Variants in ATP6V0D2 observed in about 807,000 individuals in gnomAD.
The protein encoded by ATP6V0D2 is V-type proton ATPase subunit d 2.
Under a neutral mutation model 40.0 loss-of-function variants are expected in ATP6V0D2, and 40 were observed. That is an observed-to-expected ratio of 1.00 (90% CI 0.78 to 1.30). The LOEUF (loss-of-function observed/expected upper bound fraction) is 1.30, where lower values mean the gene tolerates loss of function less well. Among genes scored for constraint, ATP6V0D2 ranks in the 50% most tolerant of loss-of-function variants. ATP6V0D2 has a pLI of 0.00. For synonymous variants in ATP6V0D2, 179 were observed against 156.3 expected (o/e 1.15, Z -1.08); for missense variants, 470 against 423.1 (o/e 1.11, Z -0.97).
At chr8:86,145,349 A>AGAAG (rs376086337) in intron 5 of ATP6V0D2, among the ~76,000 whole-genome samples, 9 of 83,912 alleles carry the variant, frequency 1.1e-4, no homozygotes, top group Admixed American at 3.7e-4. Flanking sequence ...AAAGAAGGAA[A>AGAAG]GAAGGAAGGA....
chr8:86,111,937 C>A (rs1375992600), intron 1 of ATP6V0D2, among the ~76,000 whole-genome samples: 1 of 152,162 alleles, frequency 6.6e-6, no homozygotes, highest in Non-Finnish European at 1.5e-5. Context: ...TCTTTCTTTA[C>A]CAAACAGTGG....
At chr8:86,150,373 T>A in intron 6 of ATP6V0D2, 85 bp downstream of exon 6, 1 of 1,331,206 alleles carries the variant, frequency 7.5e-7, no homozygotes, top group Non-Finnish European at 1.0e-6. Flanking sequence ...AATTTCCGCT[T>A]ATACTCAAAA....
intron 5 of ATP6V0D2, among the ~76,000 whole-genome samples, chr8:86,143,946 C>G (rs955192631): frequency 6.6e-6 from 1 of 152,172 alleles, no homozygotes; most frequent in African/African-American, 2.4e-5. Flanking sequence ...GCTTCATCCA[C>G]AGGGACATTG....
intron 2 of ATP6V0D2, among the ~76,000 whole-genome samples, chr8:86,128,387 G>A (rs908197359): frequency 1.3e-5 from 2 of 152,064 alleles, no homozygotes; most frequent in Admixed American, 1.3e-4. Flanking sequence ...ACAATAAAAG[G>A]GATGTAGCTC....
At chr8:86,102,477 A>G (rs980585312) in intron 1 of ATP6V0D2, among the ~76,000 whole-genome samples, 1 of 152,250 alleles carries the variant, frequency 6.6e-6, no homozygotes, top group Non-Finnish European at 1.5e-5. Flanking sequence ...TCTGTAAAAG[A>G]AAAACTAACT....
In ATP6V0D2 at chr8:86,113,922, G is replaced by C. The variant is rs17602780; in HGVS notation, c.302+42G>C. 2.6e-6 allele frequency: 4 copies of C among 1,550,564 alleles called. No homozygotes were observed. In the East Asian group the frequency reaches 9.2e-5, roughly 36 times the overall value. On this transcript the variant is annotated intron_variant, in intron 2 of 7. Coordinates refer to ENST00000285393, the MANE Select transcript of ATP6V0D2 (RefSeq NM_152565.1). ...AGCCCTAATAAGCCCCAATGTACTC[G>C]TGCGGATGACCCCTAACAATTACAG...
chr8:86,136,347 G>A (rs1485062818), intron 2 of ATP6V0D2, among the ~76,000 whole-genome samples: 3 of 152,124 alleles, frequency 2.0e-5, no homozygotes, highest in Non-Finnish European at 4.4e-5. Context: ...GCCCGTCAAC[G>A]TTGCTCTAAT....
intron 5 of ATP6V0D2, among the ~76,000 whole-genome samples, chr8:86,146,611 G>A (rs1237252851): frequency 4.6e-5 from 7 of 152,046 alleles, no homozygotes; most frequent in African/African-American, 1.7e-4. Context: ...TGGGAAGATC[G>A]CCTCAGCCCA....
chr8:86,120,410 A>G (rs1459679938), intron 2 of ATP6V0D2, among the ~76,000 whole-genome samples: 1 of 152,028 alleles, frequency 6.6e-6, no homozygotes, highest in Non-Finnish European at 1.5e-5. Flanking sequence ...AAAAAAACCA[A>G]AAACAAACAT....
intron 2 of ATP6V0D2, among the ~76,000 whole-genome samples, chr8:86,133,982 A>T (rs1015230850): frequency 2.0e-5 from 3 of 152,214 alleles, no homozygotes; most frequent in African/African-American, 7.2e-5. Flanking sequence ...GTGAAACCCC[A>T]AACAGGAAAA....
chr8:86,118,073 C>T (rs1384370118), intron 2 of ATP6V0D2, among the ~76,000 whole-genome samples: 13 of 102,442 alleles, frequency 1.3e-4, no homozygotes, highest in South Asian at 3.3e-4. Context: ...TTCCTTCCTT[C>T]TTTCTTTCTT....
rs566817918 is a variant in ATP6V0D2 at position 86,152,462 on chromosome 8, T to C, written c.892-354T>C. Among the ~76,000 whole-genome samples the C allele has an allele frequency of 4.6e-5, 7 of 152,342 alleles. No homozygotes were observed. In the East Asian group the frequency reaches 1.3e-3, roughly 29 times the overall value. ...CCAGTAATGGGATCGCTGGGTCAAATGATATTTCTGGTTCTAGATCCTTGA... is the reference window on the plus strand; with the variant it reads ...CCAGTAATGGGATCGCTGGGTCAAACGATATTTCTGGTTCTAGATCCTTGA... On this transcript the variant is annotated intron_variant, in intron 7 of 7. Transcript: ENST00000285393.
In ATP6V0D2 at chr8:86,153,230, A is replaced by AG. The variant is rs568342882; in HGVS notation, c.*253_*254insG. On this transcript the variant is annotated 3_prime_UTR_variant, in exon 8 of 8. Transcript: ENST00000285393. ...GGGCCTTACAGGTTAGTTTTAATTAACTCTATGGTATTTTTCTTATTCTTG... is the reference window on the plus strand; with the variant it reads ...GGGCCTTACAGGTTAGTTTTAATTAAGCTCTATGGTATTTTTCTTATTCTTG... The AG allele has an allele frequency of 1.7e-3, 448 of 258,986 alleles. 1 individual carries two copies. Among genetic ancestry groups the AG allele is most frequent in the Non-Finnish European group, 2.4e-3 (334 of 138,976 alleles). The allele number at this position is 258,986 out of a possible 1,614,324, so 16.0% of individuals were successfully genotyped here.
intron 5 of ATP6V0D2, among the ~76,000 whole-genome samples, chr8:86,145,279 A>G (rs187722109): frequency 2.2e-5 from 2 of 89,132 alleles, no homozygotes; most frequent in African/African-American, 3.6e-5. Flanking sequence ...GAAAGAAAGA[A>G]AGAAAGAAAG....
chr8:86,148,518 C>A (rs1316625435), intron 5 of ATP6V0D2, among the ~76,000 whole-genome samples: 1 of 152,136 alleles, frequency 6.6e-6, no homozygotes, highest in Admixed American at 6.5e-5. Flanking sequence ...CAATTCTTTT[C>A]AGCTTTCACG....
chr8:86,133,698 C>T (rs1194298400), intron 2 of ATP6V0D2, among the ~76,000 whole-genome samples: 1 of 152,034 alleles, frequency 6.6e-6, no homozygotes, highest in African/African-American at 2.4e-5. Context: ...CCACCCCTGT[C>T]AGCAAATGCT....
At chr8:86,142,371 C>G (rs1818986695) in intron 4 of ATP6V0D2, among the ~76,000 whole-genome samples, 1 of 152,164 alleles carries the variant, frequency 6.6e-6, no homozygotes, top group African/African-American at 2.4e-5. Flanking sequence ...AAAACTGAGG[C>G]TTGGAGAGCC....
At chr8:86,142,020 C>A (rs767982051) in intron 4 of ATP6V0D2, among the ~76,000 whole-genome samples, 3 of 152,188 alleles carry the variant, frequency 2.0e-5, no homozygotes, top group Non-Finnish European at 4.4e-5. Context: ...TACCACTTTG[C>A]ATAATGTGAC....
Position 86,153,113 on chromosome 8 carries a change from T to C in ATP6V0D2, c.*136T>C. ...TATATCTTCATGAGTTGCAAATCCA[T>C]GGAAACACAGTAAACCAGCCCTGAA... On this transcript the variant is annotated 3_prime_UTR_variant, in exon 8 of 8. Transcript: ENST00000285393. The C allele has an allele frequency of 1.4e-6, 1 of 691,806 alleles. No individual in the cohort carries two copies. Among genetic ancestry groups the C allele is most frequent in the South Asian group, 2.9e-5 (1 of 35,034 alleles). The allele number at this position is 691,806 out of a possible 1,614,324, so 42.9% of individuals were successfully genotyped here.
Sources: gnomAD v4.1 joint callset for allele counts (sites outside exome capture counted in the v4.1 genomes callset) on GRCh38, gnomAD v4.1.1 for gene constraint, MANE v1.5 for transcripts, NCBI Gene and HGNC (gene_info 2026-07-23, HGNC 2026-07-21) for gene names.